The following MMP20 variants were observed in gnomAD, a reference collection of about 807,000 sequenced individuals.
MMP20 encodes the protein matrix metallopeptidase 20.
MMP20 carries 50 observed loss-of-function variants against 51.8 expected under a neutral mutation model. The observed-to-expected ratio is 0.97, with a 90% CI of 0.77 to 1.22. MMP20 has a LOEUF of 1.22. MMP20 is among the 50% of genes most tolerant of loss of function. MMP20 has a pLI of 0.00. For missense variants in MMP20, 663 were observed against 601.4 expected (o/e 1.10, Z -1.07); for synonymous variants, 244 against 216.2 (o/e 1.13, Z -1.13).
At chr11:102,577,472 C>T (rs1369369879) in intron 9 of MMP20, 46 bp from the exon 10 acceptor site, 1 of 1,292,266 alleles carries the variant, frequency 7.7e-7, no homozygotes, top group Non-Finnish European at 1.1e-6. Context: ...ATGTCCAGCA[C>T]ATATATAAAT....
intron 4 of MMP20, 75 bp downstream of exon 4, chr11:102,609,829 GA>G (rs937722278): frequency 3.4e-5 from 54 of 1,603,632 alleles, no homozygotes; most frequent in Admixed American, 5.0e-5. Context: ...TTGGGACGTT[GA>G]ACCTCAAGGT....
chr11:102,607,008 GATT>G (rs1229095224), intron 5 of MMP20: 1 of 294,372 alleles, frequency 3.4e-6, no homozygotes. Flanking sequence ...GTCTTCTAAA[GATT>G]ATTATTTTAT....
intron 6 of MMP20, among the ~76,000 whole-genome samples, chr11:102,603,845 T>C (rs1859479379): frequency 6.6e-6 from 1 of 152,110 alleles, no homozygotes; most frequent in African/African-American, 2.4e-5. Context: ...TAGCAGGCCA[T>C]CTCTCCTGCG....
intron 6 of MMP20, among the ~76,000 whole-genome samples, chr11:102,597,593 C>G (rs1202119354): frequency 6.6e-6 from 1 of 152,048 alleles, no homozygotes; most frequent in African/African-American, 2.4e-5. Context: ...ACTAAACATC[C>G]TAATGCAAAA....
chr11:102,595,938 C>T (rs1250500773), intron 6 of MMP20, among the ~76,000 whole-genome samples: 2 of 152,184 alleles, frequency 1.3e-5, no homozygotes, highest in Non-Finnish European at 1.5e-5. Context: ...TTGAACTTTC[C>T]TAGTGGCTAA....
chr11:102,580,631 C>A (rs1423976225), intron 8 of MMP20, among the ~76,000 whole-genome samples: 2 of 152,200 alleles, frequency 1.3e-5, no homozygotes, highest in Admixed American at 6.5e-5. Context: ...TTAACTATAA[C>A]CATTAATATT....
chr11:102,597,749 T>C (rs1237226006), intron 6 of MMP20, among the ~76,000 whole-genome samples: 3 of 152,326 alleles, frequency 2.0e-5, no homozygotes, highest in Non-Finnish European at 1.5e-5. Context: ...ATCACTTATA[T>C]AAATTATGAC....
At position 102,580,963 on chromosome 11, in the gene MMP20, T is replaced by C. The variant is rs368519793; in HGVS notation, c.1248-1821A>G. Among the ~76,000 whole-genome samples, 80 of 152,318 alleles carry C rather than the reference T, an allele frequency of 5.3e-4. 1 individual carries two copies. The South Asian group carries it at 0.016, about 31-fold the overall frequency. On this transcript the variant is annotated intron_variant, in intron 8 of 9. Transcript: ENST00000260228. ...ACTTTGTGATGATCTAGCCCTTTGT[T>C]TGTGGACAGATATTTAAGGATTTCT...
At chr11:102,607,735 C>T (rs1784422) in intron 5 of MMP20, 62,019 of 151,908 alleles carry the variant, frequency 0.41, 13,090 homozygotes, top group South Asian at 0.59. Flanking sequence ...TGCTTTGCCT[C>T]CTGGCTGAGT....
At chr11:102,596,078 C>T (rs992083232) in intron 6 of MMP20, among the ~76,000 whole-genome samples, 2 of 152,132 alleles carry the variant, frequency 1.3e-5, no homozygotes, top group Non-Finnish European at 2.9e-5. Context: ...GTCGGCCCTG[C>T]CCTCAATATG....
intron 6 of MMP20, among the ~76,000 whole-genome samples, chr11:102,603,599 T>C (rs1355039321): frequency 6.6e-6 from 1 of 152,218 alleles, no homozygotes; most frequent in Non-Finnish European, 1.5e-5. Context: ...TAATAAGTAC[T>C]GAACACTTTT....
chr11:102,612,051 T>C (rs1859608243), intron 2 of MMP20, 148 bp from the exon 3 acceptor site: 1 of 788,816 alleles, frequency 1.3e-6, no homozygotes, highest in Non-Finnish European at 2.1e-6. Context: ...TTATTATATG[T>C]TAAATTTCTG....
At chr11:102,610,420 T>G (rs1009840633) in intron 3 of MMP20, among the ~76,000 whole-genome samples, 4 of 152,094 alleles carry the variant, frequency 2.6e-5, no homozygotes, top group Non-Finnish European at 5.9e-5. Flanking sequence ...CTGATTGGAA[T>G]GTGAACCTGT....
chr11:102,587,349 G>C (rs565966638), intron 8 of MMP20, among the ~76,000 whole-genome samples: 5 of 152,192 alleles, frequency 3.3e-5, no homozygotes, highest in Admixed American at 3.3e-4. Flanking sequence ...AATTTGTTGA[G>C]ACTTGTGTGG....
intron 5 of MMP20, chr11:102,608,147 G>A (rs1024234871): frequency 6.6e-6 from 1 of 152,198 alleles, no homozygotes; most frequent in Non-Finnish European, 1.5e-5. Flanking sequence ...AGAAGATGGG[G>A]AGAAGCTCTG....
chr11:102,586,531 T>C (rs926615847), intron 8 of MMP20, among the ~76,000 whole-genome samples: 1 of 152,128 alleles, frequency 6.6e-6, no homozygotes, highest in African/African-American at 2.4e-5. Flanking sequence ...TTTTTTCTTT[T>C]GGCTGGGCAC....
At position 102,594,728 on chromosome 11, in the gene MMP20, C is replaced by T. The variant is rs147430004; in HGVS notation, c.983G>A (p.Arg328Gln). 5.2e-5 allele frequency: 83 copies of T among 1,608,808 alleles called. No homozygotes were observed. Among genetic ancestry groups the T allele is most frequent in the African/African-American group, 4.8e-4 (35 of 73,140 alleles). Residue 328 changes from arginine to glutamine, a missense_variant, in exon 7 of 10, where the codon CGG becomes CAG. Coordinates refer to ENST00000260228, the MANE Select transcript of MMP20 (RefSeq NM_004771.4). The part of the protein sequence containing the change: ...RIFWRRQVHL[R>Q]TGIRPSTITS... ...AATAGTGCTGGGCCGAATTCCTGTC[C>T]GCAAGTGAACCTGCCGTCTCCAGAA...
At chr11:102,623,689 A>C (rs1859780035) in intron 1 of MMP20, among the ~76,000 whole-genome samples, 1 of 152,224 alleles carries the variant, frequency 6.6e-6, no homozygotes, top group Non-Finnish European at 1.5e-5. Context: ...GTGGCACAAA[A>C]GCAATCATAG....
chr11:102,586,522 T>G (rs528192363), intron 8 of MMP20, among the ~76,000 whole-genome samples: 1 of 152,198 alleles, frequency 6.6e-6, no homozygotes, highest in South Asian at 2.1e-4. Context: ...TAATTTAAAT[T>G]TTTTCTTTTG....
Sources: allele counts gnomAD v4.1 joint callset (sites outside exome capture counted in the v4.1 genomes callset), GRCh38; gene constraint gnomAD v4.1.1; transcripts MANE v1.5; gene names NCBI Gene and HGNC (gene_info 2026-07-23, HGNC 2026-07-21).